Variants in UPF3B observed in about 807,000 individuals in gnomAD.
The protein encoded by UPF3B is regulator of nonsense transcripts 3B.
In UPF3B, 7 loss-of-function variants were observed where a neutral mutation model predicts 40.3. That is an observed-to-expected ratio of 0.17 (90% confidence interval 0.10 to 0.33). The LOEUF (loss-of-function observed/expected upper bound fraction) is 0.33. Ranked by LOEUF, UPF3B falls within the 10% of genes least tolerant of loss-of-function variation. The pLI, the probability that UPF3B is intolerant of heterozygous loss-of-function variation, is 1.00. For missense variants in UPF3B, 229 were observed against 358.9 expected, an observed-to-expected ratio of 0.64 and a Z score of 2.93; for synonymous variants, 117 against 117.3, an observed-to-expected ratio of 1.00 and a Z score of 0.01.
In UPF3B at chrX:119,841,731, T is replaced by G; in HGVS notation, c.624+4A>C. On this transcript the variant is annotated splice_donor_region_variant and intron_variant, in intron 6 of 10. Coordinates refer to ENST00000276201, the MANE Select transcript of UPF3B (RefSeq NM_080632.3). ...TGAGAGAACTATAAAGACAAAAGATTTACCTGCTTGTTTTTCAGGAAGCTC... is the reference window on the plus strand; with the variant it reads ...TGAGAGAACTATAAAGACAAAAGATGTACCTGCTTGTTTTTCAGGAAGCTC... 1 of 1,205,915 alleles carries G rather than the reference T, an allele frequency of 8.3e-7. No homozygotes were observed. Among genetic ancestry groups the G allele is most frequent in the Non-Finnish European group, 1.1e-6 (1 of 890,221 alleles).
intron 5 of UPF3B, among the ~76,000 whole-genome samples, chrX:119,809,058 G>T (rs2055811999): frequency 8.9e-6 from 1 of 112,371 alleles, no homozygotes; most frequent in African/African-American, 3.2e-5. Flanking sequence ...AAAGAGAAGA[G>T]ATTTAATTGA....
chrX:119,849,254 G>A (rs2056271287), intron 3 of UPF3B, among the ~76,000 whole-genome samples: 1 of 111,511 alleles, frequency 9.0e-6, no homozygotes. Context: ...AGCACTTTGG[G>A]AGGCTGAGGC....
In UPF3B at chrX:119,834,560, T is replaced by A. The variant is rs780066959; in HGVS notation, c.*318A>T. On this transcript the variant is annotated 3_prime_UTR_variant, in exon 11 of 11. Coordinates refer to ENST00000276201, the MANE Select transcript of UPF3B (RefSeq NM_080632.3). ...TTTGATTTTAGAACCAGCTCTTACT[T>A]TTCTCTCGTGTCATATGTGATGAAG... 1 of 935,146 alleles carries A rather than the reference T, an allele frequency of 1.1e-6. No homozygotes were observed. The highest frequency in any genetic ancestry group is 2.0e-5 in the African/African-American group (1 of 49,754). The allele number at this position is 935,146 out of a possible 1,213,427, so 77.1% of individuals were successfully genotyped here. A position where few individuals can be genotyped will look rare whatever the true frequency, so the allele number is the denominator to read the frequency against.
At chrX:119,845,170 G>C (rs760277649) in intron 4 of UPF3B, 28 bp downstream of exon 4, 2 of 1,116,703 alleles carry the variant, frequency 1.8e-6, no homozygotes, top group Non-Finnish European at 2.5e-6. Context: ...CACAGCAATA[G>C]CATTATATAA....
intron 5 of UPF3B, among the ~76,000 whole-genome samples, chrX:119,809,275 C>G (rs2055813646): frequency 9.0e-6 from 1 of 111,572 alleles, no homozygotes. Context: ...CAATCACCTC[C>G]CACCAACTTC....
intron 4 of UPF3B, chrX:119,822,884 A>G: frequency 2.8e-6 from 2 of 711,614 alleles, no homozygotes; most frequent in Non-Finnish European, 3.5e-6. Flanking sequence ...CTGGGATTAC[A>G]GGCATGAGCC....
At chrX:119,813,130 G>A (rs746730325) in intron 5 of UPF3B, among the ~76,000 whole-genome samples, 2 of 111,880 alleles carry the variant, frequency 1.8e-5, no homozygotes, top group African/African-American at 3.2e-5. Flanking sequence ...CTGATGCCAC[G>A]TCAGGAAGGG....
chrX:119,821,213 G>A (rs767364795), intron 4 of UPF3B, among the ~76,000 whole-genome samples: 9 of 111,728 alleles, frequency 8.1e-5, no homozygotes, highest in East Asian at 5.6e-4. Context: ...TTCACTTTCC[G>A]CCATGAGTAA....
intron 4 of UPF3B, among the ~76,000 whole-genome samples, chrX:119,821,217 T>G (rs2055915305): frequency 8.9e-6 from 1 of 111,929 alleles, no homozygotes; most frequent in Admixed American, 9.5e-5. Flanking sequence ...CTTTCCGCCA[T>G]GAGTAAAAGG....
At chrX:119,817,474 T>C (rs1286226036) in intron 4 of UPF3B, among the ~76,000 whole-genome samples, 1 of 112,059 alleles carries the variant, frequency 8.9e-6, no homozygotes, top group African/African-American at 3.2e-5. Context: ...ACTGCCCCAA[T>C]AATCCAATCA....
In UPF3B at chrX:119,841,329, C is replaced by T. The variant is rs202175899; in HGVS notation, c.625-71G>A. On this transcript the variant is annotated intron_variant, in intron 6 of 10. Coordinates refer to ENST00000276201, the MANE Select transcript of UPF3B (RefSeq NM_080632.3). ...CCAAAACCCTAATAAATCCTGAAGT[C>T]ATGGTAGGCCCCAACTGAATAATCT... The T allele has an allele frequency of 1.2e-3, 1,448 of 1,189,595 alleles. 2 individuals are homozygous for T. The highest frequency in any genetic ancestry group is 1.5e-3 in the Non-Finnish European group (1,363 of 890,128).
chrX:119,810,233 G>C (rs1323866988), intron 5 of UPF3B, among the ~76,000 whole-genome samples: 2 of 112,314 alleles, frequency 1.8e-5, no homozygotes, highest in African/African-American at 3.2e-5. Context: ...CAGATCAGCT[G>C]CAAAGAACAG....
intron 4 of UPF3B, among the ~76,000 whole-genome samples, chrX:119,818,033 G>A (rs1343052298): frequency 1.8e-5 from 2 of 110,792 alleles, no homozygotes; most frequent in Admixed American, 9.7e-5. Flanking sequence ...TTGGGAGGCC[G>A]AGGCGGGTGG....
Position 119,836,951 on chromosome X carries a change from GT to G in UPF3B, c.1302+805del, listed in dbSNP as rs1167379874. On this transcript the variant is annotated intron_variant, in intron 10 of 10. Coordinates refer to ENST00000276201, the MANE Select transcript of UPF3B (RefSeq NM_080632.3). ...AGGCGTGAGCCACCGCGCCCGGCCA[GT>G]TTTTTTTTTGAGACTGAGTCTCGCT... is the stretch of plus-strand genomic sequence containing the variant. Among the ~76,000 whole-genome samples, 28 of 87,383 alleles carry G rather than the reference GT, an allele frequency of 3.2e-4. No homozygotes were observed. The East Asian group carries it at 5.0e-3, about 15-fold the overall frequency. 75.9% of individuals were successfully genotyped at this position (87,383 alleles called of 115,157 possible).
chrX:119,822,712 A>G (rs78094681), intron 4 of UPF3B, among the ~76,000 whole-genome samples: 1 of 110,914 alleles, frequency 9.0e-6, no homozygotes, highest in Non-Finnish European at 1.9e-5. Context: ...AGTTTAATCA[A>G]TTCTCCTGCC....
chrX:119,807,446 C>T, intron 6 of UPF3B: 1 of 902,919 alleles, frequency 1.1e-6, no homozygotes, highest in East Asian at 7.7e-5. Context: ...CTCCCTTCCT[C>T]CTTCTTTTCT....
chrX:119,821,816 A>C (rs891981562), intron 4 of UPF3B, among the ~76,000 whole-genome samples: 2 of 111,318 alleles, frequency 1.8e-5, no homozygotes, highest in East Asian at 5.6e-4. Flanking sequence ...AACAAAAAAA[A>C]CAAAAAAAAC....
intron 3 of UPF3B, among the ~76,000 whole-genome samples, chrX:119,825,491 G>A (rs2055970143): frequency 9.0e-6 from 1 of 111,462 alleles, no homozygotes; most frequent in Non-Finnish European, 1.9e-5. Flanking sequence ...GAAAAACTAT[G>A]CATGGATTTC....
At chrX:119,842,286 T>C (rs183289120) in intron 5 of UPF3B, among the ~76,000 whole-genome samples, 69 of 111,616 alleles carry the variant, frequency 6.2e-4, no homozygotes, top group African/African-American at 2.0e-3. Flanking sequence ...ACAGCCATCT[T>C]AAAACACATA....
Sources: gnomAD v4.1 joint callset for allele counts (sites outside exome capture counted in the v4.1 genomes callset) on GRCh38, gnomAD v4.1.1 for gene constraint, MANE v1.5 for transcripts, NCBI Gene and HGNC (gene_info 2026-07-23, HGNC 2026-07-21) for gene names.